The following TASP1 variants were observed in gnomAD, a reference collection of about 807,000 sequenced individuals.
The protein encoded by TASP1 is threonine aspartase 1.
Under a neutral mutation model 56.6 loss-of-function variants are expected in TASP1, and 16 were observed. The ratio of observed to expected loss-of-function variants is 0.28; its 90% confidence interval spans 0.19 to 0.43. The LOEUF (loss-of-function observed/expected upper bound fraction) is 0.43, where lower values mean the gene tolerates loss of function less well. Ranked by LOEUF, TASP1 falls within the 20% of genes least tolerant of loss-of-function variation. TASP1 has a pLI of 1.00. For synonymous variants in TASP1, 179 were observed against 184.2 expected (o/e 0.97, Z 0.23); for missense variants, 393 against 511.6 (o/e 0.77, Z 2.24).
At chr20:13,566,204 GC>G (rs2046524630) in intron 7 of TASP1, among the ~76,000 whole-genome samples, 1 of 152,152 alleles carries the variant, frequency 6.6e-6, no homozygotes, top group Admixed American at 6.6e-5. Context: ...AATGGGTACA[GC>G]TTTGGTGTTA....
At chr20:13,573,458 T>G (rs1418798372) in intron 6 of TASP1, among the ~76,000 whole-genome samples, 1 of 152,206 alleles carries the variant, frequency 6.6e-6, no homozygotes, top group East Asian at 1.9e-4. Context: ...AGCTAACTAG[T>G]TTATGATATT....
chr20:13,435,610 T>TA (rs1461581302), intron 11 of TASP1, among the ~76,000 whole-genome samples: 2 of 152,198 alleles, frequency 1.3e-5, no homozygotes, highest in African/African-American at 2.4e-5. Flanking sequence ...TTATAAACAT[T>TA]TTTAAATGCT....
chr20:13,128,466 C>T, the TASP1 span, among the ~76,000 whole-genome samples: 1 of 152,152 alleles, frequency 6.6e-6, no homozygotes, highest in South Asian at 2.1e-4. Context: ...GCTGCTTTCA[C>T]CTTAAGGGTT....
the TASP1 span, among the ~76,000 whole-genome samples, chr20:13,130,387 G>A: frequency 6.6e-6 from 1 of 151,996 alleles, no homozygotes; most frequent in Non-Finnish European, 1.5e-5. Context: ...AGCCTTTCAA[G>A]GCTTTGTTTC....
intron 1 of TASP1, among the ~76,000 whole-genome samples, chr20:13,636,802 A>G (rs2049327684): frequency 6.6e-6 from 1 of 152,222 alleles, no homozygotes; most frequent in Admixed American, 6.5e-5. Flanking sequence ...AAATGATGCT[A>G]GAACTGGATA....
chr20:13,426,834 T>C (rs1203373792), intron 12 of TASP1, among the ~76,000 whole-genome samples: 1 of 152,192 alleles, frequency 6.6e-6, no homozygotes, highest in Non-Finnish European at 1.5e-5. Flanking sequence ...ATCTTCACTA[T>C]AGTGAAGATG....
Position 13,457,235 on chromosome 20 carries a change from C to T in TASP1, c.986-22081G>A, listed in dbSNP as rs12479483. On this transcript the variant is annotated intron_variant, in intron 11 of 13. Transcript: ENST00000337743. ...TGTATACCTGTGTATCAAACCTGCA[C>T]GTTATGCACATGTACCCTAGAACTT... Among the ~76,000 whole-genome samples the T allele has an allele frequency of 3.2e-3, 491 of 151,714 alleles. 2 individuals carry two copies. Among genetic ancestry groups the T allele is most frequent in the East Asian group, 0.011 (58 of 5,150 alleles).
chr20:13,580,911 G>T lies in TASP1; in HGVS notation c.474C>A (p.Gly158=), dbSNP rs2047098019. 1 of 1,612,966 alleles carries T rather than the reference G, an allele frequency of 6.2e-7. No individual in the cohort carries two copies. The highest frequency in any genetic ancestry group is 1.3e-5 in the African/African-American group (1 of 74,754). The change falls in exon 6 of 14, where the codon GGC becomes GGA. Residue 158 remains glycine, a synonymous_variant. Transcript: ENST00000337743. ...CEGQKGKLSA[G]RIPPCFLVGE... ...AAAGTGGTTACCAGGGAGGAATTCT[G>T]CCAGCCGAGAGCTTGCCCTTCTGCC...
the TASP1 span, among the ~76,000 whole-genome samples, chr20:13,339,852 CAGTT>C: frequency 1.3e-5 from 2 of 152,102 alleles, no homozygotes; most frequent in South Asian, 2.1e-4. Flanking sequence ...AATATGAAAA[CAGTT>C]AGGTTGAAGT....
At chr20:13,585,074 C>T (rs1400412620) in intron 5 of TASP1, among the ~76,000 whole-genome samples, 1 of 152,180 alleles carries the variant, frequency 6.6e-6, no homozygotes, top group African/African-American at 2.4e-5. Flanking sequence ...AATTATCACA[C>T]AGTCACCTAA....
At chr20:13,508,152 C>T (rs1601048062) in intron 10 of TASP1, among the ~76,000 whole-genome samples, 1 of 150,898 alleles carries the variant, frequency 6.6e-6, no homozygotes. Context: ...TAGAAGAAAA[C>T]ATAGGGAAGA....
At chr20:13,253,906 T>A in the TASP1 span, among the ~76,000 whole-genome samples, 1 of 151,698 alleles carries the variant, frequency 6.6e-6, no homozygotes, top group Non-Finnish European at 1.5e-5. Flanking sequence ...TACACACACA[T>A]AAAAACACAC....
At position 13,609,764 on chromosome 20, in the gene TASP1, C is replaced by A. The variant is rs544958377; in HGVS notation, c.282+13682G>T. ...CAGCAATTTCACTTCTAGGTATATACCCAAAAGAACTGAAAAAAGTTACTC... is the reference window on the plus strand; with the variant it reads ...CAGCAATTTCACTTCTAGGTATATAACCAAAAGAACTGAAAAAAGTTACTC... On this transcript the variant is annotated intron_variant, in intron 4 of 13. Transcript: ENST00000337743. Among the ~76,000 whole-genome samples the A allele has an allele frequency of 2.0e-5, 3 of 150,278 alleles. No individual in the cohort carries two copies. In the South Asian group the frequency reaches 6.3e-4, roughly 32 times the overall value.
the TASP1 span, among the ~76,000 whole-genome samples, chr20:13,317,965 C>T: frequency 6.6e-6 from 1 of 151,858 alleles, no homozygotes; most frequent in Non-Finnish European, 1.5e-5. Flanking sequence ...TAAAATTAAA[C>T]TTTTTTGTTC....
the TASP1 span, among the ~76,000 whole-genome samples, chr20:13,295,613 AT>A: frequency 3.3e-5 from 5 of 152,136 alleles, no homozygotes; most frequent in African/African-American, 1.2e-4. Flanking sequence ...CATGCAAGAG[AT>A]TTTTTGAGGA....
the TASP1 span, among the ~76,000 whole-genome samples, chr20:13,224,841 C>CTTTTTTTTTTTTT: frequency 1.9e-5 from 2 of 107,258 alleles, no homozygotes; most frequent in Non-Finnish European, 3.8e-5. Context: ...AGCTTTCTTT[C>CTTTTTTTTTTTTT]TTTTTTTTTT....
At chr20:13,122,797 T>C in the TASP1 span, among the ~76,000 whole-genome samples, 68 of 152,306 alleles carry the variant, frequency 4.5e-4, no homozygotes, top group South Asian at 0.013. Context: ...TGAAAATGTC[T>C]CTCTTTTCCT....
the TASP1 span, among the ~76,000 whole-genome samples, chr20:13,201,209 C>T: frequency 2.0e-5 from 3 of 152,038 alleles, no homozygotes; most frequent in South Asian, 6.2e-4. Context: ...CGCACAACTG[C>T]GGGGAGAATG....
At chr20:13,603,422 G>C (rs1171541432) in intron 4 of TASP1, among the ~76,000 whole-genome samples, 1 of 151,450 alleles carries the variant, frequency 6.6e-6, no homozygotes, top group Non-Finnish European at 1.5e-5. Context: ...CACGCATGTA[G>C]TCCCAGCTAC....
Sources: allele counts gnomAD v4.1 joint callset (sites outside exome capture counted in the v4.1 genomes callset), GRCh38; gene constraint gnomAD v4.1.1; transcripts MANE v1.5; gene names NCBI Gene and HGNC (gene_info 2026-07-23, HGNC 2026-07-21).